The following WWP1 variants were observed in gnomAD, a reference collection of about 807,000 sequenced individuals.
WWP1 encodes the protein WW domain containing E3 ubiquitin protein ligase 1.
WWP1 carries 49 observed loss-of-function variants against 130.6 expected under a neutral mutation model. That is an observed-to-expected ratio of 0.38 (90% confidence interval 0.30 to 0.48). The LOEUF (loss-of-function observed/expected upper bound fraction) is 0.48, where lower values mean the gene tolerates loss of function less well. Among genes scored for constraint, WWP1 ranks in the 20% least tolerant of loss-of-function variants. WWP1 has a pLI of 0.99. For synonymous variants in WWP1, 332 were observed against 367.8 expected, an observed-to-expected ratio of 0.90 and a Z score of 1.11; for missense variants, 809 against 1,100.6, an observed-to-expected ratio of 0.74 and a Z score of 3.75.
chr8:86,417,577 G>T (rs1314061581), intron 9 of WWP1, among the ~76,000 whole-genome samples: 1 of 152,174 alleles, frequency 6.6e-6, no homozygotes, highest in East Asian at 1.9e-4. Flanking sequence ...TGCTTGGAAC[G>T]TAAGTGCTTA....
intron 24 of WWP1, among the ~76,000 whole-genome samples, chr8:86,463,528 A>G (rs1199913971): frequency 6.7e-5 from 10 of 149,886 alleles, no homozygotes; most frequent in Non-Finnish European, 1.3e-4. Flanking sequence ...CTGGTCTCAA[A>G]CTCTCCTCAC....
intron 8 of WWP1, among the ~76,000 whole-genome samples, chr8:86,408,136 G>A (rs1182086162): frequency 6.6e-6 from 1 of 152,172 alleles, no homozygotes; most frequent in Non-Finnish European, 1.5e-5. Context: ...CATAGTTGGA[G>A]TCCTACAGTG....
chr8:86,414,350 A>G (rs949847871), intron 9 of WWP1, among the ~76,000 whole-genome samples: 6 of 152,180 alleles, frequency 3.9e-5, no homozygotes, highest in African/African-American at 1.4e-4. Context: ...TGTGGTCAAA[A>G]AAAGTTTAAA....
In WWP1 at chr8:86,449,547, T is replaced by G. The variant is rs573577423; in HGVS notation, c.2273+1034T>G. 7.9e-5 allele frequency among the ~76,000 whole-genome samples: 12 copies of G among 152,350 alleles called. No individual in the cohort carries two copies. The South Asian group carries it at 2.5e-3, about 32-fold the overall frequency. ...TCATTTTTTTAAAATGTAAAAACTA[T>G]TCTTAGCTCAAATGCTGGACAAAAA... is the stretch of plus-strand genomic sequence containing the variant. On this transcript the variant is annotated intron_variant, in intron 20 of 24. Transcript: ENST00000517970.
At chr8:86,461,421 G>C in intron 23 of WWP1, 101 bp downstream of exon 23, 1 of 1,015,084 alleles carries the variant, frequency 9.9e-7, no homozygotes, top group Non-Finnish European at 1.5e-6. Flanking sequence ...TTACTCTTCT[G>C]TGCTGTAGGT....
chr8:86,453,527 A>C (rs1477351158), intron 21 of WWP1, among the ~76,000 whole-genome samples: 1 of 152,124 alleles, frequency 6.6e-6, no homozygotes, highest in African/African-American at 2.4e-5. Flanking sequence ...TATTTCTTTG[A>C]GATCCCGTTT....
chr8:86,411,052 A>G (rs1344389341), intron 8 of WWP1, among the ~76,000 whole-genome samples: 2 of 152,214 alleles, frequency 1.3e-5, no homozygotes, highest in African/African-American at 4.8e-5. Flanking sequence ...TTCTTGAAAA[A>G]GTGTAGAATG....
chr8:86,365,679 T>C (rs549152936), intron 1 of WWP1, among the ~76,000 whole-genome samples: 1 of 152,266 alleles, frequency 6.6e-6, no homozygotes, highest in Non-Finnish European at 1.5e-5. Context: ...CTTTAATTTT[T>C]TGGCGGGTCA....
intron 1 of WWP1, among the ~76,000 whole-genome samples, chr8:86,349,841 TG>T (rs1246029040): frequency 6.6e-6 from 1 of 151,510 alleles, no homozygotes; most frequent in Non-Finnish European, 1.5e-5. Flanking sequence ...CCCGATCTCG[TG>T]AATTGGAACA....
intron 11 of WWP1, among the ~76,000 whole-genome samples, chr8:86,429,005 T>G (rs1809787566): frequency 6.6e-6 from 1 of 152,106 alleles, no homozygotes; most frequent in South Asian, 2.1e-4. Flanking sequence ...CAACATCAAG[T>G]CTGGGGTAAA....
At chr8:86,401,545 T>C (rs1004231708) in intron 7 of WWP1, among the ~76,000 whole-genome samples, 1 of 87,146 alleles carries the variant, frequency 1.1e-5, no homozygotes, top group South Asian at 3.2e-4. Flanking sequence ...TGAGATCCTG[T>C]CTCTAAAAAA....
intron 11 of WWP1, among the ~76,000 whole-genome samples, chr8:86,428,928 T>G (rs1374827667): frequency 6.6e-6 from 1 of 152,170 alleles, no homozygotes; most frequent in Non-Finnish European, 1.5e-5. Flanking sequence ...CAGATGTGTA[T>G]CAGAAGAATG....
intron 8 of WWP1, among the ~76,000 whole-genome samples, chr8:86,405,513 A>G (rs923615547): frequency 6.6e-6 from 1 of 152,046 alleles, no homozygotes; most frequent in Non-Finnish European, 1.5e-5. Flanking sequence ...TGTAATATAC[A>G]ATATATATGC....
chr8:86,367,349 T>G (rs1239983805), intron 1 of WWP1, among the ~76,000 whole-genome samples: 1 of 152,204 alleles, frequency 6.6e-6, no homozygotes, highest in Non-Finnish European at 1.5e-5. Context: ...CACTGCAGAG[T>G]GTGCAGAATG....
chr8:86,374,514 A>T (rs1824517542), intron 3 of WWP1, among the ~76,000 whole-genome samples: 2 of 151,904 alleles, frequency 1.3e-5, no homozygotes, highest in African/African-American at 4.8e-5. Flanking sequence ...GGTACTCATT[A>T]TATGAATTTA....
chr8:86,411,427 A>G, intron 8 of WWP1, 111 bp from the exon 9 acceptor site: 1 of 814,148 alleles, frequency 1.2e-6, no homozygotes, highest in Non-Finnish European at 1.9e-6. Flanking sequence ...TGGAGAATGG[A>G]TTGTAGTTGC....
chr8:86,360,617 T>C (rs890959156), intron 1 of WWP1, among the ~76,000 whole-genome samples: 6 of 152,184 alleles, frequency 3.9e-5, no homozygotes, highest in African/African-American at 1.4e-4. Flanking sequence ...ATATATCTCT[T>C]TGCTGTGCTG....
rs561728518 is a variant in WWP1, at chr8:86,382,809, A to G, written c.334+1180A>G. Among the ~76,000 whole-genome samples, 6 of 152,378 alleles carry G rather than the reference A, an allele frequency of 3.9e-5. No individual in the cohort carries two copies. The East Asian group carries it at 1.2e-3, about 29-fold the overall frequency. On this transcript the variant is annotated intron_variant, in intron 5 of 24. Transcript: ENST00000517970. ...GTTGTCTGACACTTAAGTAGCTTGT[A>G]ACAGTTCACTAAAAATAGGCTCTTG...
chr8:86,461,873 G>A (rs1586519474), intron 24 of WWP1, 27 bp downstream of exon 24: 1 of 1,557,754 alleles, frequency 6.4e-7, no homozygotes, highest in South Asian at 1.1e-5. Context: ...TAAATACGAA[G>A]GTGAAAGCCA....
Sources: gnomAD v4.1 joint callset for allele counts (sites outside exome capture counted in the v4.1 genomes callset) on GRCh38, gnomAD v4.1.1 for gene constraint, MANE v1.5 for transcripts, NCBI Gene and HGNC (gene_info 2026-07-23, HGNC 2026-07-21) for gene names.